Variants in SULT1B1 observed in about 807,000 individuals in gnomAD.
SULT1B1 encodes sulfotransferase 1B1.
In SULT1B1, 28 loss-of-function variants were observed where a neutral mutation model predicts 34.6. That is an observed-to-expected ratio of 0.81 (90% CI 0.60 to 1.11). SULT1B1 has a LOEUF of 1.11. Ranked by LOEUF, SULT1B1 falls within the 50% of genes least tolerant of loss-of-function variation. The pLI, the probability that SULT1B1 is intolerant of heterozygous loss-of-function variation, is 0.00. For missense variants in SULT1B1, 374 were observed against 352.2 expected, an observed-to-expected ratio of 1.06 and a Z score of -0.50; for synonymous variants, 147 against 110.2, an observed-to-expected ratio of 1.33 and a Z score of -2.09.
At chr4:69,741,695 C>T (rs533697831) in intron 4 of SULT1B1, among the ~76,000 whole-genome samples, 14 of 152,168 alleles carry the variant, frequency 9.2e-5, no homozygotes, top group African/African-American at 3.4e-4. Context: ...ACGTTATTGG[C>T]ATATATAAAT....
chr4:69,738,652 A>G (rs1166418138), intron 4 of SULT1B1, among the ~76,000 whole-genome samples: 2 of 152,264 alleles, frequency 1.3e-5, no homozygotes, highest in Admixed American at 6.5e-5. Flanking sequence ...TCATTCTTCC[A>G]TGGTCCCTCC....
At chr4:69,747,803 C>T (rs1718811872) in intron 4 of SULT1B1, among the ~76,000 whole-genome samples, 3 of 152,148 alleles carry the variant, frequency 2.0e-5, no homozygotes, top group Non-Finnish European at 2.9e-5. Flanking sequence ...TTCACTCACT[C>T]CTTCTCTAGG....
intron 6 of SULT1B1, among the ~76,000 whole-genome samples, chr4:69,731,741 A>G (rs1718088903): frequency 6.6e-6 from 1 of 152,214 alleles, no homozygotes; most frequent in Non-Finnish European, 1.5e-5. Flanking sequence ...GCAAGTTTGA[A>G]GGAAATTGTA....
intron 5 of SULT1B1, among the ~76,000 whole-genome samples, chr4:69,733,848 T>C (rs2110018943): frequency 6.6e-6 from 1 of 152,244 alleles, no homozygotes; most frequent in East Asian, 1.9e-4. Flanking sequence ...ATCTAACTAA[T>C]TGCTTAAGCA....
Position 69,721,533 on chromosome 4 carries a change from G to A in SULT1B1, c.*5555C>T, listed in dbSNP as rs1717669088. Reference sequence around the variant, plus strand: ...GGAGAAGGGTTGTATGTTGATTAATGGTGAAATGGGGCATAATACTTAACC... The same window carrying A: ...GGAGAAGGGTTGTATGTTGATTAATAGTGAAATGGGGCATAATACTTAACC... On this transcript the variant is annotated 3_prime_UTR_variant, in exon 8 of 8. Transcript: ENST00000310613. 3 of 152,018 alleles carry A rather than the reference G, an allele frequency of 2.0e-5. No homozygotes were observed. Among genetic ancestry groups the A allele is most frequent in the Admixed American group, 1.3e-4 (2 of 15,236 alleles). The allele number at this position is 152,018 out of a possible 1,614,324, so 9.4% of individuals were successfully genotyped here.
At chr4:69,733,306 G>T in intron 6 of SULT1B1, 107 bp downstream of exon 6, 1 of 660,330 alleles carries the variant, frequency 1.5e-6, no homozygotes, top group Non-Finnish European at 2.5e-6. Context: ...GATAGGCAAA[G>T]CAATCATCAT....
At chr4:69,752,051 T>G (rs1452636913) in intron 3 of SULT1B1, among the ~76,000 whole-genome samples, 2 of 152,244 alleles carry the variant, frequency 1.3e-5, no homozygotes, top group Non-Finnish European at 2.9e-5. Context: ...AACATAGTCA[T>G]GTTTAAGAAC....
rs1717844624 is a variant in SULT1B1 at position 69,726,645 on chromosome 4, A to T, written c.*443T>A. 6.6e-6 allele frequency: 1 copy of T among 152,346 alleles called. No individual in the cohort carries two copies. The highest frequency in any genetic ancestry group is 2.4e-5 in the African/African-American group (1 of 41,436). 9.4% of individuals were successfully genotyped at this position (152,346 alleles called of 1,614,324 possible). The stretch of plus-strand genomic sequence containing the variant: ...GAAACTCGGTAGACAGCAGTGGAAC[A>T]CAGTGTCCTGGGTCAAATTTTCGGC... On this transcript the variant is annotated 3_prime_UTR_variant, in exon 8 of 8. Transcript: ENST00000310613.
At position 69,730,527 on chromosome 4, in the gene SULT1B1, T is replaced by A. The variant is rs1243146784; in HGVS notation, c.752A>T (p.His251Leu). 2 of 1,608,300 alleles carry A rather than the reference T, an allele frequency of 1.2e-6. No homozygotes were observed. Among genetic ancestry groups the A allele is most frequent in the Non-Finnish European group, 1.7e-6 (2 of 1,175,496 alleles). ...YTHLPTTVMD[H>L]SKSPFMRKGT... ...TTTACGCATAAAAGGGGATTTGCTA[T>A]GATCCATCACTGTAGTTGGTAGATG... The change falls in exon 7 of 8, where the codon CAT becomes CTT. Residue 251 changes from histidine to leucine, a missense_variant. Coordinates refer to ENST00000310613, the MANE Select transcript of SULT1B1 (RefSeq NM_014465.4).
chr4:69,750,967 T>A (rs1718958488), intron 3 of SULT1B1, among the ~76,000 whole-genome samples: 1 of 152,234 alleles, frequency 6.6e-6, no homozygotes, highest in South Asian at 2.1e-4. Flanking sequence ...ATTTGAATTA[T>A]CAGATAAATA....
chr4:69,732,108 A>T (rs568591092), intron 6 of SULT1B1, among the ~76,000 whole-genome samples: 4 of 152,226 alleles, frequency 2.6e-5, no homozygotes, highest in Non-Finnish European at 4.4e-5. Context: ...CTCAAGAGAC[A>T]TATCACTTTG....
chr4:69,731,090 T>C (rs879856163), intron 6 of SULT1B1, among the ~76,000 whole-genome samples: 1 of 152,164 alleles, frequency 6.6e-6, no homozygotes, highest in African/African-American at 2.4e-5. Flanking sequence ...TCCTAAAATA[T>C]TAATGATGAT....
intron 4 of SULT1B1, among the ~76,000 whole-genome samples, chr4:69,740,543 G>A (rs1045128793): frequency 6.6e-6 from 1 of 152,254 alleles, no homozygotes; most frequent in Admixed American, 6.5e-5. Context: ...ACAATTCAAG[G>A]TGAGATTTGG....
At position 69,725,337 on chromosome 4, in the gene SULT1B1, G is replaced by C. The variant is rs1361942858; in HGVS notation, c.*1751C>G. ...CACAATGAGATACCATCTCACACCA[G>C]TTAGAATGGCAATCATTAAAAAGTC... is the stretch of plus-strand genomic sequence containing the variant. On this transcript the variant is annotated 3_prime_UTR_variant, in exon 8 of 8. Transcript: ENST00000310613. The C allele has an allele frequency of 6.6e-6, 1 of 152,148 alleles. No individual in the cohort carries two copies. The highest frequency in any genetic ancestry group is 2.4e-5 in the African/African-American group (1 of 41,422). The allele number at this position is 152,148 out of a possible 1,614,324, so 9.4% of individuals were successfully genotyped here. A position where few individuals can be genotyped will look rare whatever the true frequency, so the allele number is the denominator to read the frequency against.
At chr4:69,728,336 G>A (rs1007238343) in intron 7 of SULT1B1, among the ~76,000 whole-genome samples, 2 of 151,966 alleles carry the variant, frequency 1.3e-5, no homozygotes, top group South Asian at 4.1e-4. Context: ...TATAATTTAG[G>A]ACATACGACC....
At chr4:69,751,750 C>A (rs1718992718) in intron 3 of SULT1B1, among the ~76,000 whole-genome samples, 1 of 152,198 alleles carries the variant, frequency 6.6e-6, no homozygotes, top group Non-Finnish European at 1.5e-5. Flanking sequence ...CCGCGCCCGG[C>A]CTAGAGTAGA....
chr4:69,724,080 A>G lies in SULT1B1; in HGVS notation c.*3008T>C, dbSNP rs1220744795. ...TATTCAATTAGGAGAAGAGGAAGTC[A>G]AATTGTCCCTGTTTGCAGATGACAT... On this transcript the variant is annotated 3_prime_UTR_variant, in exon 8 of 8. Transcript: ENST00000310613. 1 of 152,230 alleles carries G rather than the reference A, an allele frequency of 6.6e-6. No homozygotes were observed. Among genetic ancestry groups the G allele is most frequent in the African/African-American group, 2.4e-5 (1 of 41,464 alleles). The allele number at this position is 152,230 out of a possible 1,614,324, so 9.4% of individuals were successfully genotyped here.
intron 1 of SULT1B1, among the ~76,000 whole-genome samples, chr4:69,756,178 T>A (rs759121353): frequency 4.6e-4 from 70 of 152,192 alleles, no homozygotes; most frequent in Non-Finnish European, 8.7e-4. Flanking sequence ...CTAAGTACGG[T>A]TATAATGATT....
chr4:69,740,661 T>C (rs371428747), intron 4 of SULT1B1, among the ~76,000 whole-genome samples: 7 of 152,234 alleles, frequency 4.6e-5, no homozygotes, highest in East Asian at 1.9e-4. Context: ...GGTAGAACAA[T>C]TTATATGCCT....
Sources: gnomAD v4.1 joint callset for allele counts (sites outside exome capture counted in the v4.1 genomes callset) on GRCh38, gnomAD v4.1.1 for gene constraint, MANE v1.5 for transcripts, NCBI Gene and HGNC (gene_info 2026-07-23, HGNC 2026-07-21) for gene names.